The following ZNF804A variants were observed in gnomAD, a reference collection of about 807,000 sequenced individuals.
The protein encoded by ZNF804A is zinc finger protein 804A.
In ZNF804A, 2 loss-of-function variants were observed where a neutral mutation model predicts 16.5. The ratio of observed to expected loss-of-function variants is 0.12; its 90% CI spans 0.05 to 0.38. The LOEUF (loss-of-function observed/expected upper bound fraction) is 0.38. Ranked by LOEUF, ZNF804A falls within the 10% of genes least tolerant of loss-of-function variation. The pLI is 0.99. For synonymous variants in ZNF804A, 534 were observed against 489.6 expected (o/e 1.09, Z -1.20); for missense variants, 1,473 against 1,390.7 (o/e 1.06, Z -0.94).
At chr2:184,883,874 C>G (rs374672873) in intron 2 of ZNF804A, among the ~76,000 whole-genome samples, 6 of 152,040 alleles carry the variant, frequency 3.9e-5, no homozygotes, top group South Asian at 4.1e-4. Context: ...TGGAAACATT[C>G]CCATTGAAAT....
At chr2:184,809,404 G>A (rs919049073) in intron 1 of ZNF804A, among the ~76,000 whole-genome samples, 1 of 151,664 alleles carries the variant, frequency 6.6e-6, no homozygotes, top group African/African-American at 2.4e-5. Flanking sequence ...AGTAATACAG[G>A]ACAAAAGAAA....
At chr2:184,628,878 G>A (rs1201441349) in intron 1 of ZNF804A, among the ~76,000 whole-genome samples, 1 of 152,108 alleles carries the variant, frequency 6.6e-6, no homozygotes, top group African/African-American at 2.4e-5. Flanking sequence ...GTAGGTTGGA[G>A]TTTCTGTGGT....
At chr2:184,617,317 T>C (rs1340892608) in intron 1 of ZNF804A, among the ~76,000 whole-genome samples, 1 of 152,060 alleles carries the variant, frequency 6.6e-6, no homozygotes, top group African/African-American at 2.4e-5. Context: ...AGAAATTAGG[T>C]ATAATAATGC....
At chr2:184,849,967 G>A (rs940138149) in intron 1 of ZNF804A, among the ~76,000 whole-genome samples, 8 of 151,796 alleles carry the variant, frequency 5.3e-5, no homozygotes, top group African/African-American at 1.7e-4. Flanking sequence ...CGGGAGGCAC[G>A]GAAAGAGAAA....
intron 1 of ZNF804A, among the ~76,000 whole-genome samples, chr2:184,637,234 A>G (rs945539782): frequency 6.6e-6 from 1 of 152,196 alleles, no homozygotes; most frequent in African/African-American, 2.4e-5. Context: ...TGATAATTAT[A>G]TAGTAAACGA....
intron 1 of ZNF804A, among the ~76,000 whole-genome samples, chr2:184,851,982 C>T (rs1479362620): frequency 6.6e-6 from 1 of 151,714 alleles, no homozygotes; most frequent in African/African-American, 2.4e-5. Flanking sequence ...ATTCGTATGT[C>T]TTCTTCTGAA....
chr2:184,868,651 C>T (rs1440149736), intron 2 of ZNF804A, among the ~76,000 whole-genome samples: 1 of 151,988 alleles, frequency 6.6e-6, no homozygotes, highest in East Asian at 1.9e-4. Flanking sequence ...GAATGAGATA[C>T]AAGTGACCCT....
At position 184,598,981 on chromosome 2, in the gene ZNF804A, A is replaced by G. The variant is rs1313826201; in HGVS notation, c.22A>G (p.Ile8Val). MECYYIV[I>V]SSTHLSNGHF... The stretch of plus-strand genomic sequence containing the variant: ...CCCCATGGAGTGTTACTACATTGTC[A>G]TCAGCTCCACGCATCTCAGCAACGG... Residue 8 changes from isoleucine (I) to valine (V), a missense_variant, in exon 1 of 4, where the codon ATC becomes GTC. Physicochemically the swap from Ile to Val is conservative, Grantham distance 29 (BLOSUM62 3). Transcript: ENST00000302277. 8 of 1,613,746 alleles carry G rather than the reference A, an allele frequency of 5.0e-6. No individual in the cohort carries two copies. Among genetic ancestry groups the G allele is most frequent in the Non-Finnish European group, 6.8e-6 (8 of 1,179,740 alleles).
At chr2:184,735,704 T>C (rs781223289) in intron 1 of ZNF804A, among the ~76,000 whole-genome samples, 2 of 152,180 alleles carry the variant, frequency 1.3e-5, no homozygotes, top group Non-Finnish European at 1.5e-5. Context: ...AAATTGCTCT[T>C]TAGCATGACA....
At chr2:184,787,785 T>C (rs1466689900) in intron 1 of ZNF804A, among the ~76,000 whole-genome samples, 1 of 151,932 alleles carries the variant, frequency 6.6e-6, no homozygotes, top group East Asian at 1.9e-4. Context: ...GTAAATATTT[T>C]CTCCCATTCT....
chr2:184,918,968 T>A (rs1036448044), intron 2 of ZNF804A, among the ~76,000 whole-genome samples: 8 of 152,162 alleles, frequency 5.3e-5, no homozygotes, highest in Admixed American at 1.3e-4. Context: ...GTAATTAAAC[T>A]TTCAAAAGGC....
rs114568260 is a variant in ZNF804A at position 184,800,279 on chromosome 2, G to A, written c.112-66090G>A. ...TGTTTTCCTTCTTTCAGTAAGTCTTGCTGAAATTCTCATTGAAGTATTTTT... is the reference window on the plus strand; with the variant it reads ...TGTTTTCCTTCTTTCAGTAAGTCTTACTGAAATTCTCATTGAAGTATTTTT... On this transcript the variant is annotated intron_variant, in intron 1 of 3. Coordinates refer to ENST00000302277, the MANE Select transcript of ZNF804A (RefSeq NM_194250.2). Among the ~76,000 whole-genome samples the A allele has an allele frequency of 4.1e-3, 621 of 151,754 alleles. 4 individuals carry two copies. Among genetic ancestry groups the A allele is most frequent in the African/African-American group, 0.014 (595 of 41,452 alleles).
chr2:184,604,959 G>C (rs939292726), intron 1 of ZNF804A, among the ~76,000 whole-genome samples: 48 of 151,914 alleles, frequency 3.2e-4, no homozygotes, highest in Non-Finnish European at 7.1e-4. Context: ...TAGGCTACTG[G>C]TGTTTTTGGT....
intron 1 of ZNF804A, among the ~76,000 whole-genome samples, chr2:184,639,236 G>A (rs1691753361): frequency 6.6e-6 from 1 of 151,824 alleles, no homozygotes; most frequent in Non-Finnish European, 1.5e-5. Context: ...ACCACGCCCA[G>A]CTAATTTTGG....
At chr2:184,741,980 T>G (rs1399932450) in intron 1 of ZNF804A, among the ~76,000 whole-genome samples, 1 of 152,096 alleles carries the variant, frequency 6.6e-6, no homozygotes, top group Non-Finnish European at 1.5e-5. Flanking sequence ...ATAATAAATA[T>G]TTTTGCATTT....
chr2:184,646,220 G>C (rs919769245), intron 1 of ZNF804A, among the ~76,000 whole-genome samples: 4 of 152,198 alleles, frequency 2.6e-5, no homozygotes, highest in Non-Finnish European at 5.9e-5. Context: ...TCCACAGCCA[G>C]AACTATGTAA....
rs532809299 is a variant in ZNF804A, at chr2:184,727,623, C to T, written c.111+128553C>T. On this transcript the variant is annotated intron_variant, in intron 1 of 3. Transcript: ENST00000302277. ...CTTTACAGATCTAAGATGATAATATCCCAGAGAAAATATTTAAACATAACT... is the reference window on the plus strand; with the variant it reads ...CTTTACAGATCTAAGATGATAATATTCCAGAGAAAATATTTAAACATAACT... Among the ~76,000 whole-genome samples, 44 of 151,492 alleles carry T rather than the reference C, an allele frequency of 2.9e-4. 2 individuals carry two copies. The South Asian group carries it at 8.9e-3, about 31-fold the overall frequency.
At chr2:184,803,600 A>G (rs376715552) in intron 1 of ZNF804A, among the ~76,000 whole-genome samples, 1 of 152,320 alleles carries the variant, frequency 6.6e-6, no homozygotes, top group Non-Finnish European at 1.5e-5. Flanking sequence ...AGAAAGAAAC[A>G]TTTATTTACA....
Position 184,929,320 on chromosome 2 carries a change from G to A in ZNF804A, c.256-4283G>A, listed in dbSNP as rs567035010. Among the ~76,000 whole-genome samples, 127 of 152,236 alleles carry A rather than the reference G, an allele frequency of 8.3e-4. 1 individual carries two copies. The highest frequency in any genetic ancestry group is 1.5e-3 in the Non-Finnish European group (99 of 68,000). On this transcript the variant is annotated intron_variant, in intron 2 of 3. Transcript: ENST00000302277. The stretch of plus-strand genomic sequence containing the variant: ...TGGTTACTTTGAAACAGTAAATAGT[G>A]AAAGTCCTGGCATTTTGCATGCTTT...
Sources: allele counts gnomAD v4.1 joint callset (sites outside exome capture counted in the v4.1 genomes callset), GRCh38; gene constraint gnomAD v4.1.1; transcripts MANE v1.5; gene names NCBI Gene and HGNC (gene_info 2026-07-23, HGNC 2026-07-21).